The following ADAMTS7 variants were observed in gnomAD, a reference collection of about 807,000 sequenced individuals.
ADAMTS7 encodes the protein ADAM metallopeptidase with thrombospondin type 1 motif 7.
Under a neutral mutation model 172.6 loss-of-function variants are expected in ADAMTS7, and 89 were observed. That is an observed-to-expected ratio of 0.52 (90% CI 0.43 to 0.61). ADAMTS7 has a LOEUF of 0.61. Among genes scored for constraint, ADAMTS7 ranks in the 20% least tolerant of loss-of-function variants. The pLI is 0.00. For synonymous variants in ADAMTS7, 885 were observed against 978.4 expected (o/e 0.90, Z 1.78); for missense variants, 1,973 against 2,355.6 (o/e 0.84, Z 3.36).
intron 8 of ADAMTS7, among the ~76,000 whole-genome samples, chr15:78,780,871 A>G (rs2141496786): frequency 6.6e-6 from 1 of 152,206 alleles, no homozygotes; most frequent in East Asian, 1.9e-4. Context: ...CCCCATTCCT[A>G]CAGACCCACG....
Position 78,766,238 on chromosome 15 carries a change from T to C in ADAMTS7, c.3673A>G (p.Lys1225Glu), listed in dbSNP as rs780530471. ...GGCAGGTGGGGTGCTCCTCGGCCCT[T>C]GGGTTCCTCATCATCCTTGAAAACC... ...NEVFKDDEEP[K>E]GRGAPHLPPR... The change falls in exon 19 of 24, where the codon AAG (lysine) becomes GAG (glutamate). Residue 1225 changes from lysine to glutamate, a missense_variant. Physicochemically the swap from Lys to Glu is moderately conservative, Grantham distance 56 (BLOSUM62 1). Transcript: ENST00000388820. 1.4e-5 allele frequency: 23 copies of C among 1,611,604 alleles called. No individual in the cohort carries two copies. Among genetic ancestry groups the C allele is most frequent in the South Asian group, 5.5e-5 (5 of 91,024 alleles).
intron 1 of ADAMTS7, among the ~76,000 whole-genome samples, chr15:78,806,140 A>AAC (rs2055792889): frequency 3.7e-5 from 5 of 134,216 alleles, no homozygotes; most frequent in African/African-American, 1.2e-4. Flanking sequence ...AAAAAAAAAA[A>AAC]AAAAAAAAAA....
chr15:78,760,908 C>T (rs1337779461), intron 23 of ADAMTS7, among the ~76,000 whole-genome samples: 6 of 152,154 alleles, frequency 3.9e-5, no homozygotes, highest in Middle Eastern at 3.2e-3. Context: ...CTGGGCCATC[C>T]GTCCTTGGTT....
rs1012827537 is a variant in ADAMTS7, at chr15:78,759,355, G to A, written c.*66C>T. On this transcript the variant is annotated 3_prime_UTR_variant, in exon 24 of 24. Transcript: ENST00000388820. ...TTAGCACCATTAGGGCGCAGGGGGC[G>A]GGAGCTCCGCCACAGCCCGTGGTGG... 92 of 1,484,098 alleles carry A rather than the reference G, an allele frequency of 6.2e-5. No homozygotes were observed. Among genetic ancestry groups the A allele is most frequent in the African/African-American group, 8.3e-5 (6 of 72,006 alleles). 91.9% of individuals were successfully genotyped at this position (1,484,098 alleles called of 1,614,324 possible).
At chr15:78,803,532 A>G (rs1179884926) in intron 1 of ADAMTS7, among the ~76,000 whole-genome samples, 3 of 150,744 alleles carry the variant, frequency 2.0e-5, no homozygotes, top group African/African-American at 7.3e-5. Flanking sequence ...GGCTCACTGC[A>G]ACCTCTGCCT....
chr15:78,811,107 G>C lies in ADAMTS7; in HGVS notation c.100+14C>G, dbSNP rs1005941388. 8.1e-7 allele frequency: 1 copy of C among 1,230,290 alleles called. No individual in the cohort carries two copies. The highest frequency in any genetic ancestry group is 1.0e-6 in the Non-Finnish European group (1 of 986,986). The allele number at this position is 1,230,290 out of a possible 1,614,324, so 76.2% of individuals were successfully genotyped here. On this transcript the variant is annotated intron_variant, in intron 1 of 23. Transcript: ENST00000388820. Reference sequence around the variant, plus strand: ...GTGGCAGGCCCGGCTGGCCGGGGAGGGGCGGACACCCACCTGGTGCGGGTC... The same window carrying C: ...GTGGCAGGCCCGGCTGGCCGGGGAGCGGCGGACACCCACCTGGTGCGGGTC...
rs62012620 is a variant in ADAMTS7 at position 78,766,734 on chromosome 15, A to C, written c.3177T>G (p.Phe1059Leu). ...APELDLPGPV[F>L]VDDFYYDYNF... is the part of the protein sequence containing the mutation. The stretch of plus-strand genomic sequence containing the variant: ...TGTAGTCGTAGTAGAAGTCGTCCAC[A>C]AACACGGGCCCCGGCAGGTCCAGCT... The change falls in exon 19 of 24, where the codon TTT (phenylalanine) becomes TTG (leucine). Residue 1059 changes from phenylalanine (F) to leucine (L), a missense_variant. Phe to Leu is a conservative substitution (Grantham distance 22). This residue lies in a region of ADAMTS7 where 771 missense variants were observed against 952.6 expected (regional missense o/e 0.81). Transcript: ENST00000388820. The C allele has an allele frequency of 1.6e-4, 264 of 1,610,768 alleles. No homozygotes were observed. The highest frequency in any genetic ancestry group is 2.0e-4 in the Non-Finnish European group (235 of 1,179,814).
At position 78,763,373 on chromosome 15, in the gene ADAMTS7, C is replaced by A. The variant is rs528668994; in HGVS notation, c.4740+326G>T. Among the ~76,000 whole-genome samples, 28 of 152,370 alleles carry A rather than the reference C, an allele frequency of 1.8e-4. No homozygotes were observed. In the South Asian group the frequency reaches 5.8e-3, roughly 32 times the overall value. On this transcript the variant is annotated intron_variant, in intron 22 of 23. Transcript: ENST00000388820. ...TGCCGCTGGCCTTTGCCGGGCTCCC[C>A]GGCCCCCTCAAGCTCGTCATTCCTG... is the stretch of plus-strand genomic sequence containing the variant.
In ADAMTS7 at chr15:78,776,485, C is replaced by T. The variant is rs548137959; in HGVS notation, c.1561-152G>A. 101 of 1,222,066 alleles carry T rather than the reference C, an allele frequency of 8.3e-5. No individual in the cohort carries two copies. In the Middle Eastern group the frequency reaches 8.7e-4, roughly 11 times the overall value. The allele number at this position is 1,222,066 out of a possible 1,614,324, so 75.7% of individuals were successfully genotyped here. On this transcript the variant is annotated intron_variant, in intron 10 of 23. Transcript: ENST00000388820. ...GCACCCTCACAATCATCACAATCAT[C>T]TGTGACCCAGGCCACATGGAGGAGC...
At chr15:78,769,615 G>A (rs1163124410) in intron 16 of ADAMTS7, among the ~76,000 whole-genome samples, 5 of 152,204 alleles carry the variant, frequency 3.3e-5, no homozygotes, top group Admixed American at 2.0e-4. Context: ...CAGGAGTGGA[G>A]GGGAGGCTGC....
rs1339342939 is a variant in ADAMTS7, at chr15:78,771,453, A to AG, written c.2376+131dup. ...AAACTGAGGTAGAGGCCGCAGCAGG[A>AG]GGGCCTGGCTCAGAGCCAGGCTCTG... On this transcript the variant is annotated intron_variant, in intron 15 of 23. Transcript: ENST00000388820. This position sits in a 1 kb window ranked among gnomAD's most constrained non-coding sequence, Gnocchi z 4.9. The AG allele has an allele frequency of 2.0e-6, 3 of 1,533,912 alleles. No individual in the cohort carries two copies. In the South Asian group the frequency reaches 3.5e-5, roughly 18 times the overall value.
At chr15:78,767,108 C>A in intron 18 of ADAMTS7, 57 bp from the exon 19 acceptor site, 1 of 1,495,006 alleles carries the variant, frequency 6.7e-7, no homozygotes, top group Non-Finnish European at 8.9e-7. Flanking sequence ...CCAGGGGACG[C>A]TGGGGCAAGG....
chr15:78,787,607 TG>T (rs1452253863), intron 8 of ADAMTS7, among the ~76,000 whole-genome samples: 1 of 152,138 alleles, frequency 6.6e-6, no homozygotes, highest in East Asian at 1.9e-4. Context: ...GAGGTTGCAG[TG>T]AGTCAAGATC....
At chr15:78,797,828 G>A in intron 3 of ADAMTS7, 120 bp downstream of exon 3, 1 of 1,146,714 alleles carries the variant, frequency 8.7e-7, no homozygotes, top group Non-Finnish European at 1.2e-6. Flanking sequence ...CCATCTGTCT[G>A]TCTGTGTCAT....
In ADAMTS7 at chr15:78,773,118, G is replaced by A. The variant is rs1189061477; in HGVS notation, c.2096C>T (p.Thr699Ile). The A allele has an allele frequency of 6.6e-7, 1 of 1,522,002 alleles. No individual in the cohort carries two copies. The highest frequency in any genetic ancestry group is 9.0e-7 in the Non-Finnish European group (1 of 1,117,306). The allele number at this position is 1,522,002 out of a possible 1,614,324, so 94.3% of individuals were successfully genotyped here. The change falls in exon 14 of 24, where the codon ACC becomes ATC. Residue 699 changes from threonine (T) to isoleucine (I), a missense_variant. This residue lies in a region of ADAMTS7 where 771 missense variants were observed against 952.6 expected (regional missense o/e 0.81). Transcript: ENST00000388820. ...VCHGNGSTCH[T>I]VSGTFEEAEG... The stretch of plus-strand genomic sequence containing the variant: ...GGCCTCCTCGAAGGTCCCGCTCACG[G>A]TGTGGCAGGTGGAGCCGTTGCCGTG...
chr15:78,778,271 G>C (rs1439479427), intron 8 of ADAMTS7, among the ~76,000 whole-genome samples: 1 of 152,264 alleles, frequency 6.6e-6, no homozygotes, highest in Non-Finnish European at 1.5e-5. Context: ...CTGTGGTGTG[G>C]TGAAGACAAG....
chr15:78,767,434 G>A lies in ADAMTS7; in HGVS notation c.2804C>T (p.Pro935Leu). Residue 935 changes from proline to leucine, a missense_variant, in exon 18 of 24, where the codon CCT (proline) becomes CTT (leucine). Coordinates refer to ENST00000388820, the MANE Select transcript of ADAMTS7 (RefSeq NM_014272.5). ...EHLPRPPTET[P>L]CNRHVPCPAT... is the part of the protein sequence containing the mutation. The stretch of plus-strand genomic sequence containing the variant: ...CGGACAGGGTACATGGCGGTTGCAA[G>A]GGGTTTCAGTAGGGGGCCGGGGAAG... 6.2e-7 allele frequency: 1 copy of A among 1,611,864 alleles called. No homozygotes were observed. Among genetic ancestry groups the A allele is most frequent in the Non-Finnish European group, 8.5e-7 (1 of 1,179,826 alleles).
chr15:78,776,254 C>A lies in ADAMTS7; in HGVS notation c.1640G>T (p.Trp547Leu). The A allele has an allele frequency of 1.2e-6, 2 of 1,611,746 alleles. No individual in the cohort carries two copies. The highest frequency in any genetic ancestry group is 1.7e-6 in the Non-Finnish European group (2 of 1,179,832). The change falls in exon 11 of 24, where the codon TGG becomes TTG. Residue 547 changes from tryptophan (W) to leucine (L), a missense_variant. Transcript: ENST00000388820. ...GCCACAGCTCCGTGAGCAGATGGAC[C>A]AGGCGCTCCAGCCAGACCAGCCACC... ...VDGGWSGWSA[W>L]SICSRSCGMG...
chr15:78,790,648 C>T (rs1481128275), intron 6 of ADAMTS7, 22 bp downstream of exon 6: 1 of 1,612,238 alleles, frequency 6.2e-7, no homozygotes, highest in East Asian at 2.2e-5. Context: ...TGCAGGCTCC[C>T]ACCCTCCTGC....
Sources: allele counts gnomAD v4.1 joint callset (sites outside exome capture counted in the v4.1 genomes callset), GRCh38; gene constraint gnomAD v4.1.1; regional missense constraint gnomAD v4.1.1; non-coding constraint Gnocchi (gnomAD v3.1); transcripts MANE v1.5; gene names NCBI Gene and HGNC (gene_info 2026-07-23, HGNC 2026-07-21).